The following BMP2K variants were observed in gnomAD, a reference collection of about 807,000 sequenced individuals.
BMP2K encodes BMP2 inducible kinase, also known as BMP-2-inducible protein kinase.
BMP2K carries 74 observed loss-of-function variants against 116.0 expected under a neutral mutation model. The observed-to-expected ratio is 0.64, with a 90% CI of 0.53 to 0.77. The LOEUF is 0.77. BMP2K is among the 30% of genes least tolerant of loss of function. The probability of loss-of-function intolerance (pLI) is 0.00; values close to 1 mark genes in which losing one functional copy is unlikely to be tolerated. For missense variants in BMP2K, 1,365 were observed against 1,403.6 expected (o/e 0.97, Z 0.44); for synonymous variants, 486 against 502.5 (o/e 0.97, Z 0.44).
At chr4:78,819,834 T>C (rs936803105) in intron 1 of BMP2K, among the ~76,000 whole-genome samples, 1 of 152,206 alleles carries the variant, frequency 6.6e-6, no homozygotes, top group Non-Finnish European at 1.5e-5. Context: ...AAGTGCTTAT[T>C]GCTTCAAAAC....
Position 78,878,891 on chromosome 4 carries a change from A to G in BMP2K, c.1951A>G (p.Asn651Asp). 2 of 1,608,194 alleles carry G rather than the reference A, an allele frequency of 1.2e-6. No individual in the cohort carries two copies. The highest frequency in any genetic ancestry group is 1.1e-5 in the South Asian group (1 of 89,386). ...CAGAGAATTTGACCTTCTAAGATCA[A>G]GTAAGGGACACTTGAAGGCTTATTT... ...LDREFDLLRSNRLEERASSDK... is the reference protein window; with the variant it reads ...LDREFDLLRSDRLEERASSDK... Residue 651 changes from asparagine (N) to aspartate (D), a missense_variant and splice_region_variant, in exon 14 of 16, where the codon AAT becomes GAT. This residue lies in a region of BMP2K where 596 missense variants were observed against 623.2 expected (regional missense o/e 0.96). Transcript: ENST00000502613.
chr4:78,856,826 A>G (rs1216105207), intron 7 of BMP2K, among the ~76,000 whole-genome samples: 1 of 152,180 alleles, frequency 6.6e-6, no homozygotes, highest in African/African-American at 2.4e-5. Context: ...TTCCACAGAG[A>G]CAGGTTACTT....
In BMP2K at chr4:78,911,234, A is replaced by G; in HGVS notation, c.2687A>G (p.Asp896Gly). Reference protein sequence around the residue: ...PAAGLEQEEFDVFTKAPFSKK... With the variant: ...PAAGLEQEEFGVFTKAPFSKK... ...GCAGGACTGGAGCAGGAGGAATTTG[A>G]TGTATTCACAAAGGCGCCTTTTAGC... is the stretch of plus-strand genomic sequence containing the variant. The change falls in exon 16 of 16, where the codon GAT becomes GGT. Residue 896 changes from aspartate (D) to glycine (G), a missense_variant. Transcript: ENST00000502613. 6.2e-7 allele frequency: 1 copy of G among 1,613,980 alleles called. No homozygotes were observed. Among genetic ancestry groups the G allele is most frequent in the Non-Finnish European group, 8.5e-7 (1 of 1,179,870 alleles).
chr4:78,873,200 ATAATT>A (rs1397109553), intron 13 of BMP2K, among the ~76,000 whole-genome samples: 1 of 152,220 alleles, frequency 6.6e-6, no homozygotes, highest in Non-Finnish European at 1.5e-5. Flanking sequence ...TAAAGGTTGT[ATAATT>A]TAATTTAAAT....
rs1037454503 is a variant in BMP2K at position 78,857,866 on chromosome 4, G to T, written c.884-1718G>T. On this transcript the variant is annotated intron_variant, in intron 7 of 15. Coordinates refer to ENST00000502613, the MANE Select transcript of BMP2K (RefSeq NM_198892.2). ...TGTGATTCATGTAATGGATCATGTT[G>T]CCCTGTTTATATTGACAGCTAAAAA... 4.0e-5 allele frequency among the ~76,000 whole-genome samples: 6 copies of T among 151,888 alleles called. No individual in the cohort carries two copies. In the South Asian group the frequency reaches 1.2e-3, roughly 32 times the overall value.
Position 78,911,763 on chromosome 4 carries a change from G to A in BMP2K, c.3216G>A (p.Lys1072=). 3 of 1,613,988 alleles carry A rather than the reference G, an allele frequency of 1.9e-6. No individual in the cohort carries two copies. The highest frequency in any genetic ancestry group is 2.5e-6 in the Non-Finnish European group (3 of 1,179,894). The part of the protein sequence containing the change: ...EESLLDPFGA[K]PFHSPDLSWH... Reference sequence around the variant, plus strand: ...GCCTGTTGGACCCCTTCGGTGCCAAGCCCTTCCATTCTCCAGACCTGTCAT... The same window carrying A: ...GCCTGTTGGACCCCTTCGGTGCCAAACCCTTCCATTCTCCAGACCTGTCAT... The change falls in exon 16 of 16, where the codon AAG becomes AAA. Residue 1072 remains lysine, a synonymous_variant. Transcript: ENST00000502613.
At chr4:78,798,585 G>A (rs776121276) in intron 1 of BMP2K, among the ~76,000 whole-genome samples, 1 of 152,164 alleles carries the variant, frequency 6.6e-6, no homozygotes, top group Non-Finnish European at 1.5e-5. Context: ...ATCACTTTAG[G>A]ATGGGCAGTA....
At chr4:78,806,254 C>T (rs995041661) in intron 1 of BMP2K, among the ~76,000 whole-genome samples, 1 of 151,916 alleles carries the variant, frequency 6.6e-6, no homozygotes, top group African/African-American at 2.4e-5. Context: ...TGCAGTGGCA[C>T]AACCTAGAAC....
intron 14 of BMP2K, chr4:78,879,196 C>A: frequency 9.4e-7 from 1 of 1,067,404 alleles, no homozygotes; most frequent in Non-Finnish European, 1.1e-6. Context: ...ATTGATGTTT[C>A]AATAAAAAGG....
intron 15 of BMP2K, among the ~76,000 whole-genome samples, chr4:78,900,871 C>T (rs1287949682): frequency 6.6e-6 from 1 of 151,880 alleles, no homozygotes; most frequent in African/African-American, 2.4e-5. Flanking sequence ...TGTTTTATTC[C>T]ACAAGTTGAT....
chr4:78,896,804 A>G (rs1240766269), intron 15 of BMP2K, among the ~76,000 whole-genome samples: 1 of 152,208 alleles, frequency 6.6e-6, no homozygotes, highest in East Asian at 1.9e-4. Flanking sequence ...ATTTTAAATA[A>G]TTCTTTATTG....
At chr4:78,909,191 A>G (rs575461533) in intron 15 of BMP2K, among the ~76,000 whole-genome samples, 1 of 151,126 alleles carries the variant, frequency 6.6e-6, no homozygotes, top group Non-Finnish European at 1.5e-5. Flanking sequence ...GCACCTGCCA[A>G]CATGCCTGGC....
At chr4:78,879,329 A>G (rs1288474022) in intron 14 of BMP2K, 12 of 990,548 alleles carry the variant, frequency 1.2e-5, no homozygotes, top group African/African-American at 7.0e-5. Context: ...ATGGGCTACT[A>G]CATTATGTTA....
In BMP2K at chr4:78,842,431, T is replaced by C. The variant is rs531148846; in HGVS notation, c.450T>C (p.Phe150=). The change falls in exon 4 of 16, where the codon TTT becomes TTC. Residue 150 remains phenylalanine (F), a synonymous_variant. Coordinates refer to ENST00000502613, the MANE Select transcript of BMP2K (RefSeq NM_198892.2). ...NQMNKKLQTG[F]TEPEVLQIFC... is the part of the protein sequence containing the mutation. ...TGAATAAGAAGCTACAGACGGGTTTTACAGAACCAGAAGTGTTACAGATAT... is the reference window on the plus strand; with the variant it reads ...TGAATAAGAAGCTACAGACGGGTTTCACAGAACCAGAAGTGTTACAGATAT... 9 of 1,607,818 alleles carry C rather than the reference T, an allele frequency of 5.6e-6. No homozygotes were observed. In the African/African-American group the frequency reaches 1.1e-4, roughly 19 times the overall value.
rs1396083975 is a variant in BMP2K at position 78,858,858 on chromosome 4, A to G, written c.884-726A>G. Among the ~76,000 whole-genome samples the G allele has an allele frequency of 2.6e-5, 4 of 151,948 alleles. No individual in the cohort carries two copies. The East Asian group carries it at 7.7e-4, about 29-fold the overall frequency. On this transcript the variant is annotated intron_variant, in intron 7 of 15. Transcript: ENST00000502613. Reference sequence around the variant, plus strand: ...CTTACGGAATTGAGTATAAATGTCAACCTTGTGAAATTTAGAATTAAAAAT... The same window carrying G: ...CTTACGGAATTGAGTATAAATGTCAGCCTTGTGAAATTTAGAATTAAAAAT...
At chr4:78,819,023 G>C (rs1578493872) in intron 1 of BMP2K, among the ~76,000 whole-genome samples, 1 of 152,044 alleles carries the variant, frequency 6.6e-6, no homozygotes, top group East Asian at 1.9e-4. Context: ...GTCAGGTTTT[G>C]AAGCAATAAG....
At chr4:78,907,377 T>C (rs1471465803) in intron 15 of BMP2K, among the ~76,000 whole-genome samples, 1 of 152,162 alleles carries the variant, frequency 6.6e-6, no homozygotes, top group Non-Finnish European at 1.5e-5. Flanking sequence ...TTAAGAAGAC[T>C]AGGGAGTACA....
chr4:78,860,810 A>G (rs1407144423), intron 8 of BMP2K, among the ~76,000 whole-genome samples: 1 of 103,268 alleles, frequency 9.7e-6, no homozygotes, highest in African/African-American at 4.1e-5. Context: ...CCCTCGCCAT[A>G]TTGATGTACT....
At chr4:78,873,893 G>C (rs1042824339) in intron 13 of BMP2K, among the ~76,000 whole-genome samples, 1 of 152,112 alleles carries the variant, frequency 6.6e-6, no homozygotes, top group South Asian at 2.1e-4. Flanking sequence ...TAAAGGTCCA[G>C]ATCAGGCAGG....
Sources: gnomAD v4.1 joint callset for allele counts (sites outside exome capture counted in the v4.1 genomes callset) on GRCh38, gnomAD v4.1.1 for gene constraint, gnomAD v4.1.1 regional missense constraint, MANE v1.5 for transcripts, NCBI Gene and HGNC (gene_info 2026-07-23, HGNC 2026-07-21) for gene names.